DNAAF5: variants seen among roughly 807,000 people sequenced by gnomAD.
DNAAF5 encodes dynein axonemal assembly factor 5.
In DNAAF5, 64 loss-of-function variants were observed where a neutral mutation model predicts 75.8. That is an observed-to-expected ratio of 0.84 (90% CI 0.69 to 1.04). DNAAF5 has a LOEUF of 1.04. Ranked by LOEUF, DNAAF5 falls within the 50% of genes least tolerant of loss-of-function variation. The pLI is 0.00. For missense variants in DNAAF5, 1,269 were observed against 1,178.5 expected (o/e 1.08, Z -1.12); for synonymous variants, 657 against 557.2 (o/e 1.18, Z -2.52).
At chr7:752,289 G>A (rs925808932) in intron 4 of DNAAF5, among the ~76,000 whole-genome samples, 3 of 152,284 alleles carry the variant, frequency 2.0e-5, no homozygotes, top group Non-Finnish European at 2.9e-5. Context: ...GCAGAGCTAG[G>A]GCGAAGCCTT....
intron 4 of DNAAF5, among the ~76,000 whole-genome samples, chr7:753,057 C>T (rs770882933): frequency 1.1e-4 from 17 of 152,380 alleles, no homozygotes; most frequent in Non-Finnish European, 2.2e-4. Context: ...GAGCGTACCG[C>T]GTGCCGCTGA....
chr7:765,329 A>T (rs1035727802), intron 8 of DNAAF5, among the ~76,000 whole-genome samples: 1 of 152,190 alleles, frequency 6.6e-6, no homozygotes, highest in Non-Finnish European at 1.5e-5. Flanking sequence ...AGCCTCCCTC[A>T]GCCCCTCTCC....
intron 6 of DNAAF5, 39 bp from the exon 7 acceptor site, chr7:761,714 A>G: frequency 6.4e-7 from 1 of 1,565,564 alleles, no homozygotes; most frequent in Non-Finnish European, 8.6e-7. Context: ...ACACGACCAA[A>G]TTGTACCAAG....
chr7:773,942 G>A, intron 9 of DNAAF5, 106 bp from the exon 10 acceptor site: 2 of 1,345,766 alleles, frequency 1.5e-6, no homozygotes, highest in African/African-American at 1.4e-5. Flanking sequence ...GGTCGAGTTC[G>A]TTTTCCTGTT....
At chr7:739,400 C>T (rs989655959) in intron 2 of DNAAF5, among the ~76,000 whole-genome samples, 3 of 152,184 alleles carry the variant, frequency 2.0e-5, no homozygotes, top group Non-Finnish European at 2.9e-5. Context: ...TGGGTGAAGA[C>T]GACAGTGACA....
chr7:732,457 C>G (rs1244102908), intron 2 of DNAAF5: 1 of 448,110 alleles, frequency 2.2e-6, no homozygotes, highest in Non-Finnish European at 4.5e-6. Flanking sequence ...AGCTGCTCAG[C>G]TTTGCTGCAG....
At chr7:731,687 T>C (rs1781589369) in intron 2 of DNAAF5, among the ~76,000 whole-genome samples, 1 of 152,220 alleles carries the variant, frequency 6.6e-6, no homozygotes, top group Non-Finnish European at 1.5e-5. Flanking sequence ...TTGTGATTTT[T>C]TTTTTTCTTT....
At chr7:746,122 A>G (rs1782094919) in intron 4 of DNAAF5, among the ~76,000 whole-genome samples, 2 of 152,336 alleles carry the variant, frequency 1.3e-5, no homozygotes, top group South Asian at 4.1e-4. Flanking sequence ...TTTTTTCTAC[A>G]GTATTTTAAA....
At chr7:745,475 T>TGTGCACACATGTACATGCATATC (rs1334469006) in intron 4 of DNAAF5, among the ~76,000 whole-genome samples, 5 of 152,180 alleles carry the variant, frequency 3.3e-5, no homozygotes, top group Non-Finnish European at 5.9e-5. Flanking sequence ...CACACACACC[T>TGTGCACACATGTACATGCATATC]GTGCACACAT....
At chr7:775,308 C>T (rs1219137816) in intron 11 of DNAAF5, 146 bp downstream of exon 11, 5 of 752,168 alleles carry the variant, frequency 6.6e-6, no homozygotes, top group South Asian at 1.7e-5. Context: ...AATTCCAGCA[C>T]TTTAGGCAGG....
At chr7:768,541 C>T (rs116613003) in intron 8 of DNAAF5, 21,901 of 150,464 alleles carry the variant, frequency 0.15, 2,134 homozygotes, top group Middle Eastern at 0.26. Context: ...TGGAAGTGTC[C>T]GTGCTGCAAG....
intron 2 of DNAAF5, among the ~76,000 whole-genome samples, chr7:740,569 A>G (rs1055011977): frequency 2.0e-5 from 3 of 152,134 alleles, no homozygotes; most frequent in Non-Finnish European, 4.4e-5. Context: ...GCAGGACAGC[A>G]GCATTCCTCT....
chr7:745,511 A>G (rs930926640), intron 4 of DNAAF5, among the ~76,000 whole-genome samples: 1 of 152,202 alleles, frequency 6.6e-6, no homozygotes, highest in Non-Finnish European at 1.5e-5. Context: ...ACACACGTGC[A>G]CATATGCACA....
intron 1 of DNAAF5, among the ~76,000 whole-genome samples, chr7:728,577 A>G (rs1781447585): frequency 6.6e-6 from 1 of 152,234 alleles, no homozygotes; most frequent in African/African-American, 2.4e-5. Context: ...CTGGATGGAC[A>G]TGGCCATTGA....
chr7:727,998 G>T (rs964570923), intron 1 of DNAAF5, among the ~76,000 whole-genome samples: 1 of 151,894 alleles, frequency 6.6e-6, no homozygotes, highest in Non-Finnish European at 1.5e-5. Flanking sequence ...TTGAGACTCT[G>T]CTCTGGTCAT....
intron 8 of DNAAF5, among the ~76,000 whole-genome samples, chr7:768,272 G>A (rs1339532210): frequency 6.7e-6 from 1 of 150,238 alleles, no homozygotes; most frequent in Non-Finnish European, 1.5e-5. Context: ...AGCTAGCGCT[G>A]GGAGGGGAGA....
intron 2 of DNAAF5, among the ~76,000 whole-genome samples, chr7:734,510 G>A (rs1781676448): frequency 1.3e-5 from 2 of 152,196 alleles, no homozygotes; most frequent in African/African-American, 2.4e-5. Context: ...TTGCGTCAGT[G>A]TTCATCAGGG....
intron 2 of DNAAF5, among the ~76,000 whole-genome samples, chr7:737,550 C>T (rs2128071708): frequency 6.6e-6 from 1 of 152,322 alleles, no homozygotes; most frequent in South Asian, 2.1e-4. Context: ...TATTGCTCCT[C>T]AGCATCCTTA....
intron 8 of DNAAF5, among the ~76,000 whole-genome samples, 181 bp from the exon 9 acceptor site, chr7:770,290 T>C (rs1778510625): frequency 6.6e-6 from 1 of 151,854 alleles, no homozygotes; most frequent in South Asian, 2.1e-4. Context: ...TTTTGGGGGG[T>C]TAAAATTTTC....
Sources: allele counts gnomAD v4.1 joint callset (sites outside exome capture counted in the v4.1 genomes callset), GRCh38; gene constraint gnomAD v4.1.1; transcripts MANE v1.5; gene names NCBI Gene and HGNC (gene_info 2026-07-23, HGNC 2026-07-21).